COL4A1: variants seen among roughly 807,000 people sequenced by gnomAD.
The protein encoded by COL4A1 is collagen alpha-1(IV) chain.
Under a neutral mutation model 216.6 loss-of-function variants are expected in COL4A1, and 40 were observed. That is an observed-to-expected ratio of 0.18 (90% CI 0.14 to 0.24). COL4A1 has a LOEUF of 0.24. COL4A1 is among the 10% of genes least tolerant of loss of function. The pLI is 1.00. For missense variants in COL4A1, 1,628 were observed against 2,196.8 expected (o/e 0.74, Z 5.18); for synonymous variants, 839 against 810.7 (o/e 1.03, Z -0.59).
chr13:110,210,266 G>C, intron 8 of COL4A1, 54 bp from the exon 9 acceptor site: 2 of 1,559,514 alleles, frequency 1.3e-6, no homozygotes, highest in Non-Finnish European at 1.8e-6. Flanking sequence ...TTCATGTAAA[G>C]AAGCTGAAAA....
At chr13:110,220,081 T>C (rs1029806472) in intron 2 of COL4A1, among the ~76,000 whole-genome samples, 2 of 136,302 alleles carry the variant, frequency 1.5e-5, no homozygotes, top group African/African-American at 5.3e-5. Flanking sequence ...GGGATTATAG[T>C]AGTGTGCCAC....
Position 110,233,691 on chromosome 13 carries a change from G to A in COL4A1, c.144+8984C>T, listed in dbSNP as rs190570505. ...TCACATTTTAAGGGGTAATGATTCCGGAAATGGATGATAAAACCACAACGT... is the reference window on the plus strand; with the variant it reads ...TCACATTTTAAGGGGTAATGATTCCAGAAATGGATGATAAAACCACAACGT... On this transcript the variant is annotated intron_variant, in intron 2 of 51. Coordinates refer to ENST00000375820, the MANE Select transcript of COL4A1 (RefSeq NM_001845.6). Among the ~76,000 whole-genome samples, 21 of 152,214 alleles carry A rather than the reference G, an allele frequency of 1.4e-4. No individual in the cohort carries two copies. The East Asian group carries it at 3.5e-3, about 25-fold the overall frequency.
At chr13:110,209,888 G>T in intron 10 of COL4A1, 92 bp downstream of exon 10, 1 of 1,456,466 alleles carries the variant, frequency 6.9e-7, no homozygotes, top group Non-Finnish European at 9.6e-7. Flanking sequence ...CCACAACTGT[G>T]TAAAGTTTTT....
At position 110,185,949 on chromosome 13, in the gene COL4A1, C is replaced by T. The variant is rs567335603; in HGVS notation, c.1897+436G>A. Among the ~76,000 whole-genome samples the T allele has an allele frequency of 9.2e-5, 14 of 152,274 alleles. No homozygotes were observed. The South Asian group carries it at 1.0e-3, about 11-fold the overall frequency. Reference sequence around the variant, plus strand: ...CCACCATGGAATGAAATCGTCATCGCGCTGTAGGACCTCTAAATCCATTCA... The same window carrying T: ...CCACCATGGAATGAAATCGTCATCGTGCTGTAGGACCTCTAAATCCATTCA... On this transcript the variant is annotated intron_variant, in intron 26 of 51. Coordinates refer to ENST00000375820, the MANE Select transcript of COL4A1 (RefSeq NM_001845.6).
chr13:110,245,182 G>A (rs1265198305), intron 1 of COL4A1, among the ~76,000 whole-genome samples: 1 of 152,206 alleles, frequency 6.6e-6, no homozygotes. Context: ...ACTCTGGGGA[G>A]TGCGCTGGCA....
chr13:110,263,309 A>G (rs532059241), intron 1 of COL4A1, among the ~76,000 whole-genome samples: 1 of 152,366 alleles, frequency 6.6e-6, no homozygotes, highest in East Asian at 1.9e-4. Context: ...TACAGCATGT[A>G]ATCAAGAAGT....
At chr13:110,179,560 G>A (rs747605873) in intron 29 of COL4A1, 139 bp from the exon 30 acceptor site, 65 of 1,276,740 alleles carry the variant, frequency 5.1e-5, no homozygotes, top group African/African-American at 1.9e-4. Context: ...CTTTTCAAGC[G>A]TTTGCAAAGC....
At chr13:110,199,422 C>T (rs183580196) in intron 20 of COL4A1, among the ~76,000 whole-genome samples, 103 of 152,254 alleles carry the variant, frequency 6.8e-4, no homozygotes, top group African/African-American at 2.1e-3. Context: ...AGACATCCAG[C>T]CTGTCACTGG....
intron 1 of COL4A1, among the ~76,000 whole-genome samples, chr13:110,249,969 GTTTTATTATCATCATCA>G (rs1341636654): frequency 2.6e-5 from 4 of 152,030 alleles, no homozygotes; most frequent in African/African-American, 9.7e-5. Context: ...ATCTGCATTT[GTTTTATTATCATCATCA>G]TTTGTTTTGA....
At chr13:110,301,147 G>A (rs1464356980) in intron 1 of COL4A1, among the ~76,000 whole-genome samples, 6 of 152,164 alleles carry the variant, frequency 3.9e-5, no homozygotes, top group South Asian at 2.1e-4. Context: ...AAACACCTTC[G>A]TTTGCCCAGA....
intron 1 of COL4A1, among the ~76,000 whole-genome samples, chr13:110,296,930 G>C (rs1473612641): frequency 6.6e-6 from 1 of 152,198 alleles, no homozygotes; most frequent in Non-Finnish European, 1.5e-5. Flanking sequence ...ACATGGAAGA[G>C]AGGCACAGAG....
At chr13:110,285,698 G>C (rs1371316090) in intron 1 of COL4A1, among the ~76,000 whole-genome samples, 2 of 152,158 alleles carry the variant, frequency 1.3e-5, no homozygotes, top group East Asian at 3.9e-4. Context: ...AGCAGAAGGA[G>C]GTTGTATTAG....
chr13:110,197,096 G>T (rs534343437), intron 21 of COL4A1, among the ~76,000 whole-genome samples: 2 of 152,190 alleles, frequency 1.3e-5, no homozygotes, highest in South Asian at 4.1e-4. Flanking sequence ...TTCATCACTT[G>T]CAAAATTACG....
In COL4A1 at chr13:110,175,274, C is replaced by T. The variant is rs1251048055; in HGVS notation, c.3142G>A (p.Glu1048Lys). The T allele has an allele frequency of 1.2e-5, 20 of 1,614,256 alleles. No homozygotes were observed. The highest frequency in any genetic ancestry group is 1.7e-5 in the Non-Finnish European group (20 of 1,180,042). The change falls in exon 37 of 52, where the codon GAG becomes AAG. Residue 1048 changes from glutamate (E) to lysine (K), a missense_variant. Physicochemically the swap from Glu to Lys is moderately conservative, Grantham distance 56. This residue lies in a region of COL4A1 where 345 missense variants were observed against 476.9 expected (regional missense o/e 0.72). Transcript: ENST00000375820. ...CCAGGTGGGCCTGCCTGCCCTTTCTCTCCTTTTGCACCTTTGTCTCCAGGT... is the reference window on the plus strand; with the variant it reads ...CCAGGTGGGCCTGCCTGCCCTTTCTTTCCTTTTGCACCTTTGTCTCCAGGT... ...GLPGDKGAKG[E>K]KGQAGPPGIG...
chr13:110,161,484 G>T, intron 48 of COL4A1, 115 bp from the exon 49 acceptor site: 1 of 1,198,416 alleles, frequency 8.3e-7, no homozygotes, highest in Non-Finnish European at 1.2e-6. Context: ...CATAATCACT[G>T]AAATGGAAAT....
chr13:110,189,025 A>C (rs554658385), intron 24 of COL4A1, among the ~76,000 whole-genome samples: 1 of 152,280 alleles, frequency 6.6e-6, no homozygotes, highest in South Asian at 2.1e-4. Context: ...CATTACAGTG[A>C]CTACATTTGT....
intron 41 of COL4A1, 107 bp from the exon 42 acceptor site, chr13:110,170,839 C>A: frequency 1.6e-6 from 2 of 1,222,412 alleles, no homozygotes; most frequent in Non-Finnish European, 2.4e-6. Flanking sequence ...CTGTAGGTAC[C>A]GCTCAGAGGG....
intron 25 of COL4A1, 27 bp from the exon 26 acceptor site, chr13:110,186,580 C>A (rs370682576): frequency 1.2e-6 from 2 of 1,613,186 alleles, no homozygotes; most frequent in South Asian, 1.1e-5. Context: ...AAAAAGACAC[C>A]GTTATCAGAG....
At position 110,195,036 on chromosome 13, in the gene COL4A1, T is replaced by C. The variant is rs1482274669; in HGVS notation, c.1368A>G (p.Glu456=). 2.5e-6 allele frequency: 4 copies of C among 1,613,950 alleles called. No homozygotes were observed. Among genetic ancestry groups the C allele is most frequent in the Non-Finnish European group, 3.4e-6 (4 of 1,179,946 alleles). ...AAAATTTCTTACCTTTCTCTCCAAT[T>C]TCGCCTATAAATCCTGGCTGCCCTG... is the stretch of plus-strand genomic sequence containing the variant. ...GIPGQPGFIG[E]IGEKGQKGES... Residue 456 remains glutamate, a synonymous_variant, in exon 22 of 52, where the codon GAA becomes GAG. Transcript: ENST00000375820.
Sources: gnomAD v4.1 joint callset for allele counts (sites outside exome capture counted in the v4.1 genomes callset) on GRCh38, gnomAD v4.1.1 for gene constraint, gnomAD v4.1.1 regional missense constraint, MANE v1.5 for transcripts, NCBI Gene and HGNC (gene_info 2026-07-23, HGNC 2026-07-21) for gene names.